GRIK2: variants seen among roughly 807,000 people sequenced by gnomAD.
The protein encoded by GRIK2 is glutamate ionotropic receptor kainate type subunit 2, also known as glutamate receptor ionotropic, kainate 2.
GRIK2 carries 32 observed loss-of-function variants against 100.3 expected under a neutral mutation model. The ratio of observed to expected loss-of-function variants is 0.32; its 90% CI spans 0.24 to 0.43. The LOEUF is 0.43. Ranked by LOEUF, GRIK2 falls within the 20% of genes least tolerant of loss-of-function variation. The probability of loss-of-function intolerance (pLI) is 1.00; values close to 1 mark genes in which losing one functional copy is unlikely to be tolerated. For synonymous variants in GRIK2, 417 were observed against 389.4 expected (o/e 1.07, Z -0.83); for missense variants, 843 against 1,114.9 (o/e 0.76, Z 3.47).
intron 11 of GRIK2, among the ~76,000 whole-genome samples, chr6:101,877,912 T>C (rs116300797): frequency 0.01 from 1,554 of 151,506 alleles, 24 homozygotes; most frequent in African/African-American, 0.036. Context: ...AGTTTTCAAA[T>C]CTCCCTCCAC....
At chr6:101,727,302 G>A (rs1055813583) in intron 7 of GRIK2, among the ~76,000 whole-genome samples, 2 of 152,062 alleles carry the variant, frequency 1.3e-5, no homozygotes, top group Admixed American at 6.6e-5. Context: ...AAAATTAGAA[G>A]AAAATAGATG....
At chr6:101,797,466 G>T (rs943912150) in intron 7 of GRIK2, among the ~76,000 whole-genome samples, 2 of 150,740 alleles carry the variant, frequency 1.3e-5, no homozygotes, top group Admixed American at 6.6e-5. Context: ...GTTAACAATA[G>T]ATTTTTTATT....
At chr6:101,566,339 A>G (rs190393525) in intron 2 of GRIK2, among the ~76,000 whole-genome samples, 87 of 152,046 alleles carry the variant, frequency 5.7e-4, no homozygotes, top group Non-Finnish European at 9.3e-4. Flanking sequence ...CTTCAAATGT[A>G]TTGAAGAAAA....
intron 4 of GRIK2, among the ~76,000 whole-genome samples, chr6:101,663,643 GTGAC>G (rs1391028251): frequency 6.6e-6 from 1 of 152,208 alleles, no homozygotes; most frequent in Non-Finnish European, 1.5e-5. Flanking sequence ...AAAAATAAGA[GTGAC>G]TGATTATAAA....
At chr6:102,062,800 A>G (rs187059285) in intron 16 of GRIK2, among the ~76,000 whole-genome samples, 1 of 150,760 alleles carries the variant, frequency 6.6e-6, no homozygotes, top group East Asian at 1.9e-4. Flanking sequence ...CACAAGAAAA[A>G]ATTTAACGGG....
chr6:101,874,506 A>G (rs1239040665), intron 11 of GRIK2, among the ~76,000 whole-genome samples: 1 of 152,108 alleles, frequency 6.6e-6, no homozygotes, highest in Non-Finnish European at 1.5e-5. Flanking sequence ...GTAGCCTTGT[A>G]ATATAGTTTG....
At chr6:102,002,508 G>C (rs959340099) in intron 14 of GRIK2, among the ~76,000 whole-genome samples, 2 of 149,328 alleles carry the variant, frequency 1.3e-5, no homozygotes, top group African/African-American at 4.9e-5. Context: ...TATTTTTATT[G>C]CATTTTAATT....
intron 13 of GRIK2, chr6:101,927,315 A>C (rs1789964408): frequency 2.7e-6 from 2 of 752,376 alleles, no homozygotes; most frequent in Non-Finnish European, 1.6e-6. Flanking sequence ...ACTGCATCAG[A>C]GATTATACTA....
intron 2 of GRIK2, among the ~76,000 whole-genome samples, chr6:101,411,737 C>G (rs1316402560): frequency 6.6e-6 from 1 of 152,044 alleles, no homozygotes; most frequent in Non-Finnish European, 1.5e-5. Flanking sequence ...GTGTTGGACT[C>G]TCAGAACACC....
At chr6:101,815,172 T>C (rs1781559587) in intron 9 of GRIK2, among the ~76,000 whole-genome samples, 1 of 152,212 alleles carries the variant, frequency 6.6e-6, no homozygotes, top group East Asian at 1.9e-4. Context: ...AAGGAATGTG[T>C]GTGGAAAGAC....
chr6:101,506,610 C>CT (rs1774037602), intron 2 of GRIK2, among the ~76,000 whole-genome samples: 1 of 152,086 alleles, frequency 6.6e-6, no homozygotes, highest in Non-Finnish European at 1.5e-5. Context: ...GGTGTTTTTA[C>CT]TTTCATTTCT....
intron 10 of GRIK2, among the ~76,000 whole-genome samples, chr6:101,857,136 A>C (rs959003902): frequency 4.6e-5 from 7 of 152,094 alleles, no homozygotes; most frequent in African/African-American, 1.7e-4. Context: ...TGGTGTGGGG[A>C]CAGCAATGAG....
At chr6:101,534,240 C>A (rs1400914333) in intron 2 of GRIK2, among the ~76,000 whole-genome samples, 1 of 151,726 alleles carries the variant, frequency 6.6e-6, no homozygotes, top group Non-Finnish European at 1.5e-5. Context: ...GAATGACTGG[C>A]ATGAGATTTG....
At chr6:101,969,044 TTATAA>T (rs1792876089) in intron 14 of GRIK2, among the ~76,000 whole-genome samples, 1 of 152,052 alleles carries the variant, frequency 6.6e-6, no homozygotes, top group Non-Finnish European at 1.5e-5. Context: ...ACATTTTGAA[TTATAA>T]TAAAGTGACT....
chr6:101,860,985 C>G (rs1051696005), intron 11 of GRIK2: 24 of 740,378 alleles, frequency 3.2e-5, no homozygotes, highest in Non-Finnish European at 3.8e-5. Flanking sequence ...CTCCACTTTC[C>G]CATACTCGGT....
At chr6:102,055,068 C>T (rs186224342) in intron 15 of GRIK2, among the ~76,000 whole-genome samples, 1 of 152,132 alleles carries the variant, frequency 6.6e-6, no homozygotes, top group Non-Finnish European at 1.5e-5. Context: ...TTTTACAATG[C>T]TGTAAGCTGA....
intron 7 of GRIK2, among the ~76,000 whole-genome samples, chr6:101,750,142 C>T (rs1456828109): frequency 6.6e-6 from 1 of 151,972 alleles, no homozygotes; most frequent in Non-Finnish European, 1.5e-5. Flanking sequence ...TGATAAATAT[C>T]GTACCTAAAG....
intron 12 of GRIK2, among the ~76,000 whole-genome samples, chr6:101,919,676 C>G (rs1789368125): frequency 6.6e-6 from 1 of 151,638 alleles, no homozygotes; most frequent in African/African-American, 2.4e-5. Context: ...GTTTTGAGAG[C>G]TGAAACAGAG....
At chr6:101,421,078 T>C (rs1245398720) in intron 2 of GRIK2, among the ~76,000 whole-genome samples, 4 of 152,154 alleles carry the variant, frequency 2.6e-5, no homozygotes, top group Non-Finnish European at 5.9e-5. Flanking sequence ...GATGGCTCTG[T>C]TCACTTTGAG....
Sources: gnomAD v4.1 joint callset for allele counts (sites outside exome capture counted in the v4.1 genomes callset) on GRCh38, gnomAD v4.1.1 for gene constraint, MANE v1.5 for transcripts, NCBI Gene and HGNC (gene_info 2026-07-23, HGNC 2026-07-21) for gene names.